Variants in CDH12 observed in about 807,000 individuals in gnomAD.
The protein encoded by CDH12 is cadherin-12.
A neutral mutation model predicts 74.1 loss-of-function variants in CDH12; 41 were observed. That is an observed-to-expected ratio of 0.55 (90% CI 0.43 to 0.72). CDH12 has a LOEUF of 0.72. Ranked by LOEUF, CDH12 falls within the 30% of genes least tolerant of loss-of-function variation. CDH12 has a pLI of 0.00. For synonymous variants in CDH12, 399 were observed against 355.0 expected, an observed-to-expected ratio of 1.12 and a Z score of -1.39; for missense variants, 945 against 977.2, an observed-to-expected ratio of 0.97 and a Z score of 0.44.
intron 2 of CDH12, among the ~76,000 whole-genome samples, chr5:22,460,963 C>T (rs1745488079): frequency 6.7e-6 from 1 of 150,264 alleles, no homozygotes; most frequent in Non-Finnish European, 1.5e-5. Context: ...CCAGGTGATC[C>T]ACCTGCCTCG....
At chr5:21,956,257 T>A (rs998518458) in intron 6 of CDH12, among the ~76,000 whole-genome samples, 8 of 151,870 alleles carry the variant, frequency 5.3e-5, no homozygotes, top group African/African-American at 1.7e-4. Context: ...CAATTCAGCA[T>A]GGAGATGTAA....
intron 1 of CDH12, among the ~76,000 whole-genome samples, chr5:22,552,208 T>G (rs959530632): frequency 3.9e-5 from 6 of 152,090 alleles, no homozygotes; most frequent in Non-Finnish European, 5.9e-5. Flanking sequence ...CTATAGCCTT[T>G]CATAATATTT....
At chr5:21,933,509 G>A (rs1184376238) in intron 6 of CDH12, among the ~76,000 whole-genome samples, 2 of 152,152 alleles carry the variant, frequency 1.3e-5, no homozygotes, top group Non-Finnish European at 2.9e-5. Context: ...AAGATTCATT[G>A]CAAAGTGGGA....
At chr5:22,230,584 C>CCCCA (rs1210812021) in intron 3 of CDH12, among the ~76,000 whole-genome samples, 1 of 151,634 alleles carries the variant, frequency 6.6e-6, no homozygotes, top group Non-Finnish European at 1.5e-5. Flanking sequence ...GATTCTCCTG[C>CCCCA]CCCAGCCTCC....
chr5:22,123,174 A>G (rs1745625409), intron 4 of CDH12, among the ~76,000 whole-genome samples: 1 of 152,150 alleles, frequency 6.6e-6, no homozygotes, highest in Admixed American at 6.6e-5. Flanking sequence ...TGAATAGGAT[A>G]AATGCCCTTA....
At chr5:22,147,239 C>T (rs1747245907) in intron 4 of CDH12, among the ~76,000 whole-genome samples, 1 of 152,070 alleles carries the variant, frequency 6.6e-6, no homozygotes, top group African/African-American at 2.4e-5. Context: ...CAACAATGGC[C>T]ATTTTCGTTT....
In CDH12 at chr5:22,185,102, G is replaced by T. The variant is rs188326850; in HGVS notation, c.-187+27396C>A. On this transcript the variant is annotated intron_variant, in intron 4 of 14. Coordinates refer to ENST00000382254, the MANE Select transcript of CDH12 (RefSeq NM_004061.5). ...TCCCACAGTTTATCTAAAGATGTGT[G>T]CTTATAAATCTTCCTTCTCCCTTCT... is the stretch of plus-strand genomic sequence containing the variant. 3.5e-3 allele frequency among the ~76,000 whole-genome samples: 530 copies of T among 151,806 alleles called. 1 individual carries two copies. The highest frequency in any genetic ancestry group is 5.7e-3 in the Non-Finnish European group (390 of 67,990).
At chr5:22,695,391 C>A (rs991616395) in intron 1 of CDH12, among the ~76,000 whole-genome samples, 35 of 152,150 alleles carry the variant, frequency 2.3e-4, no homozygotes, top group African/African-American at 8.2e-4. Context: ...AATGTTATTT[C>A]TGATTCTAGA....
At chr5:21,893,924 A>C (rs2150046921) in intron 6 of CDH12, among the ~76,000 whole-genome samples, 1 of 152,310 alleles carries the variant, frequency 6.6e-6, no homozygotes, top group African/African-American at 2.4e-5. Flanking sequence ...CATCACAGAA[A>C]AGGTATTTGA....
chr5:21,760,701 G>A (rs748866381), intron 12 of CDH12, 26 bp from the exon 13 acceptor site: 14 of 1,360,078 alleles, frequency 1.0e-5, no homozygotes, highest in East Asian at 4.6e-5. Context: ...GATTAAAGTC[G>A]GTCATCAGTT....
At chr5:22,145,730 T>G (rs1747118366) in intron 4 of CDH12, among the ~76,000 whole-genome samples, 1 of 152,080 alleles carries the variant, frequency 6.6e-6, no homozygotes, top group African/African-American at 2.4e-5. Flanking sequence ...AGAAAGTTCT[T>G]TGTTGAATCA....
chr5:21,751,622 G>GTGTGTATGTT lies in CDH12; in HGVS notation c.*114_*115insAACATACACA. The GTGTGTATGTT allele has an allele frequency of 3.4e-6, 2 of 581,040 alleles. No individual in the cohort carries two copies. The highest frequency in any genetic ancestry group is 6.0e-6 in the Non-Finnish European group (2 of 335,438). 36.0% of individuals were successfully genotyped at this position (581,040 alleles called of 1,614,324 possible). The stretch of plus-strand genomic sequence containing the variant: ...ATCTTGTCCCAGAGTGTGTGTGTGT[G>GTGTGTATGTT]TGTGTGTGTTTGTGTGTGTGTGTGT... On this transcript the variant is annotated 3_prime_UTR_variant, in exon 15 of 15. Transcript: ENST00000382254.
At chr5:22,305,181 T>A (rs1738051916) in intron 3 of CDH12, among the ~76,000 whole-genome samples, 1 of 152,200 alleles carries the variant, frequency 6.6e-6, no homozygotes, top group Non-Finnish European at 1.5e-5. Flanking sequence ...TAATTCTTTA[T>A]TCCTGAGTCA....
At chr5:21,905,180 G>A (rs1753582530) in intron 6 of CDH12, among the ~76,000 whole-genome samples, 1 of 152,216 alleles carries the variant, frequency 6.6e-6, no homozygotes, top group South Asian at 2.1e-4. Flanking sequence ...GAAGAGAGCA[G>A]AGAGCTTTTA....
chr5:21,871,625 C>T (rs1203812829), intron 6 of CDH12, among the ~76,000 whole-genome samples: 7 of 151,996 alleles, frequency 4.6e-5, no homozygotes, highest in African/African-American at 1.7e-4. Flanking sequence ...CCCACCTACT[C>T]GGGAGGCAGG....
At chr5:22,198,606 C>T (rs1395157387) in intron 4 of CDH12, among the ~76,000 whole-genome samples, 6 of 151,818 alleles carry the variant, frequency 4.0e-5, no homozygotes, top group Admixed American at 3.9e-4. Context: ...AACTCCAGGA[C>T]CTATGAAAAC....
chr5:21,834,613 A>G (rs1407672902), intron 8 of CDH12, among the ~76,000 whole-genome samples: 4 of 151,942 alleles, frequency 2.6e-5, no homozygotes, highest in Non-Finnish European at 5.9e-5. Context: ...CTGAACAAGC[A>G]CCAGTACTAC....
intron 1 of CDH12, among the ~76,000 whole-genome samples, chr5:22,550,606 A>T (rs1157012741): frequency 6.6e-6 from 1 of 152,110 alleles, no homozygotes. Context: ...TTACTACTAC[A>T]CCTTAAGTCC....
intron 2 of CDH12, among the ~76,000 whole-genome samples, chr5:22,416,452 G>A (rs945476465): frequency 2.2e-4 from 33 of 152,198 alleles, no homozygotes; most frequent in Middle Eastern, 3.4e-3. Context: ...GTATGGTAAT[G>A]CTCAGAAAGA....
Sources: allele counts gnomAD v4.1 joint callset (sites outside exome capture counted in the v4.1 genomes callset), GRCh38; gene constraint gnomAD v4.1.1; transcripts MANE v1.5; gene names NCBI Gene and HGNC (gene_info 2026-07-23, HGNC 2026-07-21).